The following AP2A1 variants were observed in gnomAD, a reference collection of about 807,000 sequenced individuals.
AP2A1 encodes the protein AP-2 complex subunit alpha-1.
A neutral mutation model predicts 107.3 loss-of-function variants in AP2A1; 21 were observed. The ratio of observed to expected loss-of-function variants is 0.20; its 90% CI spans 0.14 to 0.28. The LOEUF is 0.28. Among genes scored for constraint, AP2A1 ranks in the 10% least tolerant of loss-of-function variants. The pLI is 1.00. For missense variants in AP2A1, 873 were observed against 1,307.7 expected, an observed-to-expected ratio of 0.67 and a Z score of 5.13; for synonymous variants, 602 against 564.8, an observed-to-expected ratio of 1.07 and a Z score of -0.93.
rs2084692257 is a variant in AP2A1, at chr19:49,782,709, G to T, written c.458G>T (p.Arg153Leu). Residue 153 changes from arginine to leucine, a missense_variant, in exon 4 of 23, where the codon CGC becomes CTC. This residue lies in a region of AP2A1 where 157 missense variants were observed against 212.6 expected (regional missense o/e 0.74). Transcript: ENST00000354293. ...MGEAFAADIPRILVAGDSMDS... is the reference protein window; with the variant it reads ...MGEAFAADIPLILVAGDSMDS... ...GAGGCCTTTGCCGCTGACATCCCCC[G>T]CATCCTGGTGGCCGGGTAAGGCACT... The T allele has an allele frequency of 6.2e-7, 1 of 1,604,060 alleles. No individual in the cohort carries two copies. Among genetic ancestry groups the T allele is most frequent in the Non-Finnish European group, 8.5e-7 (1 of 1,177,452 alleles).
At chr19:49,799,243 G>A (rs1321990278) in intron 8 of AP2A1, 84 bp from the exon 9 acceptor site, 3 of 1,467,904 alleles carry the variant, frequency 2.0e-6, no homozygotes, top group South Asian at 1.3e-5. Context: ...TGGGGGCTGT[G>A]AGATGGGTCA....
At position 49,799,718 on chromosome 19, in the gene AP2A1, G is replaced by C; in HGVS notation, c.1224G>C (p.Glu408Asp). The C allele has an allele frequency of 6.2e-7, 1 of 1,613,546 alleles. No homozygotes were observed. The highest frequency in any genetic ancestry group is 8.5e-7 in the Non-Finnish European group (1 of 1,179,904). Residue 408 changes from glutamate to aspartate, a missense_variant, in exon 10 of 23, where the codon GAG (glutamate) becomes GAC (aspartate). Glu to Asp is a conservative substitution (Grantham distance 45). Around this residue, in one of 4 missense-constraint regions of AP2A1, gnomAD observed 213 missense variants for 443.5 expected, o/e 0.48. Transcript: ENST00000354293. ...DRSNAKQIVS[E>D]MLRYLETADY... is the part of the protein sequence containing the mutation. Reference sequence around the variant, plus strand: ...GCAATGCCAAGCAGATCGTGTCGGAGATGCTGCGGTACCTGGAGACGGCAG... The same window carrying C: ...GCAATGCCAAGCAGATCGTGTCGGACATGCTGCGGTACCTGGAGACGGCAG...
intron 5 of AP2A1, among the ~76,000 whole-genome samples, chr19:49,792,567 A>T (rs931367728): frequency 3.3e-5 from 5 of 150,298 alleles, no homozygotes; most frequent in African/African-American, 1.2e-4. Flanking sequence ...CTGGCCAGGG[A>T]TCCTGTCCAG....
rs756552402 is a variant in AP2A1 at position 49,805,730 on chromosome 19, C to T, written c.2538C>T (p.Thr846=). ...CCATCAACAAGTTCTTCCAGCCCAC[C>T]GAGATGGCGGCCCAGGATTTCTTCC... is the stretch of plus-strand genomic sequence containing the variant. ...PVTINKFFQP[T]EMAAQDFFQR... is the part of the protein sequence containing the mutation. Residue 846 remains threonine (T), a synonymous_variant, in exon 20 of 23, where the codon ACC becomes ACT. Coordinates refer to ENST00000354293, the MANE Select transcript of AP2A1 (RefSeq NM_130787.3). 3 of 1,574,080 alleles carry T rather than the reference C, an allele frequency of 1.9e-6. No homozygotes were observed. The highest frequency in any genetic ancestry group is 1.4e-5 in the African/African-American group (1 of 73,108).
Position 49,802,632 on chromosome 19 carries a change from G to T in AP2A1, c.2115-317G>T, listed in dbSNP as rs765887279. 17 of 1,523,190 alleles carry T rather than the reference G, an allele frequency of 1.1e-5. No individual in the cohort carries two copies. In the African/African-American group the frequency reaches 1.5e-4, roughly 13 times the overall value. 94.4% of individuals were successfully genotyped at this position (1,523,190 alleles called of 1,614,324 possible). On this transcript the variant is annotated intron_variant, in intron 15 of 22. Transcript: ENST00000354293. ...GTGGCCTGGGGTGGGAGGTCGGTCGGGGGGGCGGACTCGGGTGTCCCCAGG... is the reference window on the plus strand; with the variant it reads ...GTGGCCTGGGGTGGGAGGTCGGTCGTGGGGGCGGACTCGGGTGTCCCCAGG...
At chr19:49,783,486 T>G (rs761291666) in intron 4 of AP2A1, among the ~76,000 whole-genome samples, 2 of 152,174 alleles carry the variant, frequency 1.3e-5, no homozygotes, top group African/African-American at 2.4e-5. Flanking sequence ...CAGGTGAGAC[T>G]TCTATTTCTG....
At position 49,802,992 on chromosome 19, in the gene AP2A1, G is replaced by A. The variant is rs1218057673; in HGVS notation, c.2158G>A (p.Glu720Lys). ...DIGPPIPEAD[E>K]LLNKFVCKNN... Reference sequence around the variant, plus strand: ...CGGCCCTCCCATTCCGGAAGCCGATGAGTTGCTGAATAAGTGAGTCCTGGG... The same window carrying A: ...CGGCCCTCCCATTCCGGAAGCCGATAAGTTGCTGAATAAGTGAGTCCTGGG... The change falls in exon 16 of 23, where the codon GAG (glutamate) becomes AAG (lysine). Residue 720 changes from glutamate to lysine, a missense_variant. By Grantham distance (56) the Glu-to-Lys change is moderately conservative (BLOSUM62 1). Coordinates refer to ENST00000354293, the MANE Select transcript of AP2A1 (RefSeq NM_130787.3). 1 of 1,613,728 alleles carries A rather than the reference G, an allele frequency of 6.2e-7. No homozygotes were observed. The highest frequency in any genetic ancestry group is 8.5e-7 in the Non-Finnish European group (1 of 1,179,784).
At chr19:49,782,415 G>A (rs1466938657) in intron 3 of AP2A1, 116 bp from the exon 4 acceptor site, 2 of 1,175,052 alleles carry the variant, frequency 1.7e-6, no homozygotes, top group Non-Finnish European at 2.4e-6. Flanking sequence ...GGGCCTGGGG[G>A]CCTGGACTCC....
chr19:49,806,658 CTGCCCCCAA>C lies in AP2A1; in HGVS notation c.2791-14_2791-6del. On this transcript the variant is annotated splice_polypyrimidine_tract_variant and intron_variant, in intron 22 of 22. Coordinates refer to ENST00000354293, the MANE Select transcript of AP2A1 (RefSeq NM_130787.3). ...CTGGGCTCCCCATCTCCTCTGAGTT[CTGCCCCCAA>C]TGCCCCCACCCAGATGTACCGGCTG... 6.2e-7 allele frequency: 1 copy of C among 1,612,004 alleles called. No individual in the cohort carries two copies. Among genetic ancestry groups the C allele is most frequent in the Non-Finnish European group, 8.5e-7 (1 of 1,179,658 alleles).
intron 4 of AP2A1, among the ~76,000 whole-genome samples, chr19:49,786,272 C>T (rs1323855590): frequency 6.6e-6 from 1 of 152,170 alleles, no homozygotes; most frequent in Non-Finnish European, 1.5e-5. Context: ...TTTCTGTTTT[C>T]TAGTATTTAA....
rs190290425 is a variant in AP2A1 at position 49,789,177 on chromosome 19, C to A, written c.474-2758C>A. 3.5e-3 allele frequency among the ~76,000 whole-genome samples: 532 copies of A among 152,304 alleles called. 3 individuals are homozygous for A. Among genetic ancestry groups the A allele is most frequent in the Non-Finnish European group, 5.9e-3 (401 of 68,020 alleles). On this transcript the variant is annotated intron_variant, in intron 4 of 22. Transcript: ENST00000354293. Reference sequence around the variant, plus strand: ...GAGGACTTCTCCCCTGTGTCTTTTGCTGTCTGTTGGGTGCTTTCTGGGAAA... The same window carrying A: ...GAGGACTTCTCCCCTGTGTCTTTTGATGTCTGTTGGGTGCTTTCTGGGAAA...
chr19:49,767,303 C>T lies in AP2A1; in HGVS notation c.67+103C>T, dbSNP rs550434561. The T allele has an allele frequency of 2.1e-4, 298 of 1,421,626 alleles. No homozygotes were observed. In the African/African-American group the frequency reaches 3.0e-3, roughly 14 times the overall value. The allele number at this position is 1,421,626 out of a possible 1,614,324, so 88.1% of individuals were successfully genotyped here. A position where few individuals can be genotyped will look rare whatever the true frequency, so the allele number is the denominator to read the frequency against. Reference sequence around the variant, plus strand: ...GGACCCGGGGGATCAAAAGCCTCTGCGGCCGTATAGGGACAGCATAGATGG... The same window carrying T: ...GGACCCGGGGGATCAAAAGCCTCTGTGGCCGTATAGGGACAGCATAGATGG... On this transcript the variant is annotated intron_variant, in intron 1 of 22. Coordinates refer to ENST00000354293, the MANE Select transcript of AP2A1 (RefSeq NM_130787.3).
chr19:49,768,786 C>T (rs574248158), intron 1 of AP2A1, among the ~76,000 whole-genome samples: 5 of 152,288 alleles, frequency 3.3e-5, no homozygotes, highest in African/African-American at 9.6e-5. Context: ...TGACCCTCCA[C>T]GAGTTGTTTA....
intron 3 of AP2A1, 62 bp from the exon 4 acceptor site, chr19:49,782,469 G>A (rs1327226390): frequency 1.2e-5 from 19 of 1,537,346 alleles, no homozygotes; most frequent in Middle Eastern, 1.7e-4. Flanking sequence ...TGGGTCTGAG[G>A]GTTGGATCTG....
chr19:49,802,153 T>C lies in AP2A1; in HGVS notation c.2114+12T>C. On this transcript the variant is annotated intron_variant, in intron 15 of 22. Transcript: ENST00000354293. ...GAGGCCTTCCTCAGGTAGCACCCCC[T>C]GGGCCCGGGCCCCTTCTCGCGGCCA... is the stretch of plus-strand genomic sequence containing the variant. 6.5e-7 allele frequency: 1 copy of C among 1,537,894 alleles called. No homozygotes were observed. Among genetic ancestry groups the C allele is most frequent in the East Asian group, 2.4e-5 (1 of 41,560 alleles).
Position 49,781,675 on chromosome 19 carries a change from G to A in AP2A1, c.68-82G>A, listed in dbSNP as rs527316321. On this transcript the variant is annotated intron_variant, in intron 1 of 22. Coordinates refer to ENST00000354293, the MANE Select transcript of AP2A1 (RefSeq NM_130787.3). Reference sequence around the variant, plus strand: ...CGGAGAAGATCTGCCCTTCCTGCTGGGTGGGGCCGCGCCTAGGAAAGAGAG... The same window carrying A: ...CGGAGAAGATCTGCCCTTCCTGCTGAGTGGGGCCGCGCCTAGGAAAGAGAG... 5 of 1,394,542 alleles carry A rather than the reference G, an allele frequency of 3.6e-6. No individual in the cohort carries two copies. In the Middle Eastern group the frequency reaches 5.7e-4, roughly 159 times the overall value. 86.4% of individuals were successfully genotyped at this position (1,394,542 alleles called of 1,614,324 possible).
chr19:49,776,207 C>T (rs1257042285), intron 1 of AP2A1, among the ~76,000 whole-genome samples: 2 of 152,014 alleles, frequency 1.3e-5, no homozygotes, highest in Admixed American at 1.3e-4. Context: ...CCCCCGCCGC[C>T]GCCCGCATCC....
intron 1 of AP2A1, among the ~76,000 whole-genome samples, chr19:49,771,034 T>TA (rs1383100245): frequency 4.6e-5 from 7 of 151,958 alleles, no homozygotes; most frequent in Non-Finnish European, 1.0e-4. Flanking sequence ...GTACTTTTAG[T>TA]AGAGACGGGG....
chr19:49,803,429 A>C, intron 18 of AP2A1, 53 bp downstream of exon 18: 7 of 1,489,374 alleles, frequency 4.7e-6, no homozygotes, highest in Non-Finnish European at 5.6e-6. Context: ...GGCCTTCCTC[A>C]CCGTGGGGAA....
Sources: allele counts gnomAD v4.1 joint callset (sites outside exome capture counted in the v4.1 genomes callset), GRCh38; gene constraint gnomAD v4.1.1; regional missense constraint gnomAD v4.1.1; transcripts MANE v1.5; gene names NCBI Gene and HGNC (gene_info 2026-07-23, HGNC 2026-07-21).